OSBPL1A: variants seen among roughly 807,000 people sequenced by gnomAD.
The protein encoded by OSBPL1A is oxysterol-binding protein-related protein 1.
A neutral mutation model predicts 137.1 loss-of-function variants in OSBPL1A; 80 were observed. That is an observed-to-expected ratio of 0.58 (90% confidence interval 0.49 to 0.70). OSBPL1A has a LOEUF of 0.70. Among genes scored for constraint, OSBPL1A ranks in the 30% least tolerant of loss-of-function variants. OSBPL1A has a pLI of 0.00. For missense variants in OSBPL1A, 970 were observed against 1,129.4 expected (o/e 0.86, Z 2.02); for synonymous variants, 365 against 389.7 (o/e 0.94, Z 0.75).
intron 15 of OSBPL1A, among the ~76,000 whole-genome samples, chr18:24,277,464 A>C (rs1311936202): frequency 1.3e-5 from 2 of 152,356 alleles, no homozygotes; most frequent in East Asian, 3.9e-4. Context: ...CAGTCCCTAC[A>C]GAGGTGTTTT....
At position 24,390,958 on chromosome 18, in the gene OSBPL1A, G is replaced by A. The variant is rs151208958; in HGVS notation, c.-3+6697C>T. 1.2e-3 allele frequency among the ~76,000 whole-genome samples: 181 copies of A among 152,008 alleles called. 2 individuals carry two copies. The East Asian group carries it at 0.028, about 24-fold the overall frequency. The stretch of plus-strand genomic sequence containing the variant: ...CTACTAAAAACACAAAAATTAGCCT[G>A]GTGTGGCGGTGCGTGCCTGTAGTCC... On this transcript the variant is annotated intron_variant, in intron 1 of 27. Coordinates refer to ENST00000319481, the MANE Select transcript of OSBPL1A (RefSeq NM_080597.4).
Position 24,175,104 on chromosome 18 carries a change from G to GTATATATATATATATA in OSBPL1A, c.2094-2622_2094-2621insTATATATATATATATA, listed in dbSNP as rs775433072. Reference sequence around the variant, plus strand: ...GACTTCATGTGCTTATTTGCCATGTGTATGTATATATATATATATATATAT... The same window carrying GTATATATATATATATA: ...GACTTCATGTGCTTATTTGCCATGTGTATATATATATATATATATGTATATATATATATATATATAT... On this transcript the variant is annotated intron_variant, in intron 21 of 27. Transcript: ENST00000319481. Among the ~76,000 whole-genome samples, 58 of 42,696 alleles carry GTATATATATATATATA rather than the reference G, an allele frequency of 1.4e-3. 1 individual carries two copies. Among genetic ancestry groups the GTATATATATATATATA allele is most frequent in the East Asian group, 0.011 (14 of 1,230 alleles). The allele number at this position is 42,696 out of a possible 152,430, so 28.0% of individuals were successfully genotyped here. A position where few individuals can be genotyped will look rare whatever the true frequency, so the allele number is the denominator to read the frequency against.
At chr18:24,167,748 C>T (rs911780212) in intron 24 of OSBPL1A, among the ~76,000 whole-genome samples, 18 of 152,308 alleles carry the variant, frequency 1.2e-4, no homozygotes, top group Admixed American at 9.1e-4. Flanking sequence ...ATGAGGTTCG[C>T]GCAATGATGA....
intron 18 of OSBPL1A, among the ~76,000 whole-genome samples, chr18:24,186,787 C>G (rs1205619764): frequency 6.6e-6 from 1 of 151,450 alleles, no homozygotes; most frequent in Non-Finnish European, 1.5e-5. Flanking sequence ...GCTTGTAATC[C>G]TAGCTACTCG....
At chr18:24,319,461 A>T (rs2090799963) in intron 7 of OSBPL1A, among the ~76,000 whole-genome samples, 1 of 152,232 alleles carries the variant, frequency 6.6e-6, no homozygotes, top group Non-Finnish European at 1.5e-5. Context: ...TGGGTAGCAG[A>T]GATGGCTCAC....
Position 24,391,654 on chromosome 18 carries a change from G to A in OSBPL1A, c.-3+6001C>T, listed in dbSNP as rs371148461. On this transcript the variant is annotated intron_variant, in intron 1 of 27. Coordinates refer to ENST00000319481, the MANE Select transcript of OSBPL1A (RefSeq NM_080597.4). Reference sequence around the variant, plus strand: ...TGAAGCAGGAGGACTACTTGAGCCCGGGAGTTCAAGGCTGCAGTGAGCTAA... The same window carrying A: ...TGAAGCAGGAGGACTACTTGAGCCCAGGAGTTCAAGGCTGCAGTGAGCTAA... Among the ~76,000 whole-genome samples, 23 of 151,874 alleles carry A rather than the reference G, an allele frequency of 1.5e-4. 1 individual carries two copies. The highest frequency in any genetic ancestry group is 2.6e-4 in the Admixed American group (4 of 15,228).
chr18:24,281,671 G>T (rs981300439), intron 14 of OSBPL1A, among the ~76,000 whole-genome samples: 2 of 152,306 alleles, frequency 1.3e-5, no homozygotes, highest in African/African-American at 4.8e-5. Context: ...GATTACAGGC[G>T]TGAGCCACTG....
rs532047892 is a variant in OSBPL1A at position 24,372,450 on chromosome 18, G to T, written c.122-4078C>A. On this transcript the variant is annotated intron_variant, in intron 2 of 27. Coordinates refer to ENST00000319481, the MANE Select transcript of OSBPL1A (RefSeq NM_080597.4). ...CTCAATGCTCAGAAAGCACAAAGCT[G>T]AACTCACCTGTCGTCCTCCGTACAC... is the stretch of plus-strand genomic sequence containing the variant. Among the ~76,000 whole-genome samples the T allele has an allele frequency of 2.6e-3, 400 of 152,224 alleles. 2 individuals carry two copies. The highest frequency in any genetic ancestry group is 1.0e-2 in the South Asian group (48 of 4,820).
intron 4 of OSBPL1A, chr18:24,347,662 T>G (rs904538649): frequency 2.6e-5 from 4 of 151,556 alleles, no homozygotes; most frequent in Non-Finnish European, 5.9e-5. Flanking sequence ...GCCAATATAG[T>G]GAAACCCCGT....
intron 17 of OSBPL1A, chr18:24,218,178 CTAAA>C (rs1337739533): frequency 1.3e-5 from 2 of 152,032 alleles, no homozygotes; most frequent in African/African-American, 4.8e-5. Context: ...TGAATACTAA[CTAAA>C]TACTTGATGA....
chr18:24,197,786 CT>C (rs1043369707), intron 17 of OSBPL1A, among the ~76,000 whole-genome samples: 442 of 122,772 alleles, frequency 3.6e-3, no homozygotes, highest in South Asian at 0.017. Flanking sequence ...CTTTTCTTTT[CT>C]TTTTTTTTTT....
chr18:24,341,429 CATT>C, intron 5 of OSBPL1A, 115 bp downstream of exon 5: 1 of 671,762 alleles, frequency 1.5e-6, no homozygotes, highest in Non-Finnish European at 2.6e-6. Context: ...ATGACATTAT[CATT>C]AGAGCATCAG....
At chr18:24,347,327 G>A (rs1316807679) in intron 4 of OSBPL1A, among the ~76,000 whole-genome samples, 1 of 151,966 alleles carries the variant, frequency 6.6e-6, no homozygotes, top group African/African-American at 2.4e-5. Context: ...GGGATTACAG[G>A]CGCCCGCCAC....
At chr18:24,280,254 T>A (rs1599607498) in intron 15 of OSBPL1A, among the ~76,000 whole-genome samples, 1 of 152,146 alleles carries the variant, frequency 6.6e-6, no homozygotes, top group Admixed American at 6.5e-5. Context: ...CTAATTTTTG[T>A]ATTTTTTGGT....
chr18:24,343,528 AAAG>A (rs2091302001), intron 4 of OSBPL1A, among the ~76,000 whole-genome samples: 1 of 152,202 alleles, frequency 6.6e-6, no homozygotes, highest in South Asian at 2.1e-4. Flanking sequence ...ATAATATTTA[AAAG>A]AAGAACAAAG....
chr18:24,222,021 T>C lies in OSBPL1A; in HGVS notation c.1601+3021A>G, dbSNP rs543224973. 3.3e-5 allele frequency among the ~76,000 whole-genome samples: 5 copies of C among 152,264 alleles called. No homozygotes were observed. In the South Asian group the frequency reaches 1.0e-3, roughly 31 times the overall value. Reference sequence around the variant, plus strand: ...TGTCATCATATTTTTTATTTCTAAGTTTTATGTGTGTGTGTTTGGGTGTGG... The same window carrying C: ...TGTCATCATATTTTTTATTTCTAAGCTTTATGTGTGTGTGTTTGGGTGTGG... On this transcript the variant is annotated intron_variant, in intron 17 of 27. Coordinates refer to ENST00000319481, the MANE Select transcript of OSBPL1A (RefSeq NM_080597.4).
intron 15 of OSBPL1A, among the ~76,000 whole-genome samples, chr18:24,249,773 C>G (rs867859032): frequency 6.6e-6 from 1 of 152,156 alleles, no homozygotes; most frequent in Admixed American, 6.5e-5. Context: ...TGGCAAGCTT[C>G]GTCACCCGCG....
chr18:24,373,615 T>C (rs934587215), intron 2 of OSBPL1A, among the ~76,000 whole-genome samples: 3 of 152,176 alleles, frequency 2.0e-5, no homozygotes, highest in Admixed American at 6.5e-5. Context: ...CACTTTCAAC[T>C]TGACATCAGT....
Position 24,271,937 on chromosome 18 carries a change from T to A in OSBPL1A, c.1281+8905A>T, listed in dbSNP as rs1248106481. The A allele has an allele frequency of 5.1e-6, 5 of 983,096 alleles. No homozygotes were observed. Among genetic ancestry groups the A allele is most frequent in the Non-Finnish European group, 6.0e-6 (5 of 829,240 alleles). The allele number at this position is 983,096 out of a possible 1,614,324, so 60.9% of individuals were successfully genotyped here. On this transcript the variant is annotated intron_variant, in intron 15 of 27. Coordinates refer to ENST00000319481, the MANE Select transcript of OSBPL1A (RefSeq NM_080597.4). This position sits in a 1 kb window ranked among gnomAD's most constrained non-coding sequence, Gnocchi z 4.0. ...GTCTGCGCTGCCCCTCCGCCGCCGC[T>A]GGCTCGGCCGCAGACCCGCCCTCCG...
Sources: allele counts gnomAD v4.1 joint callset (sites outside exome capture counted in the v4.1 genomes callset), GRCh38; gene constraint gnomAD v4.1.1; non-coding constraint Gnocchi (gnomAD v3.1); transcripts MANE v1.5; gene names NCBI Gene and HGNC (gene_info 2026-07-23, HGNC 2026-07-21).